The following RNF138 variants were observed in gnomAD, a reference collection of about 807,000 sequenced individuals.
RNF138 encodes the protein ring finger protein 138, also known as E3 ubiquitin-protein ligase RNF138.
A neutral mutation model predicts 31.0 loss-of-function variants in RNF138; 12 were observed. The observed-to-expected ratio is 0.39, with a 90% CI of 0.25 to 0.63. RNF138 has a LOEUF of 0.63. RNF138 is among the 20% of genes least tolerant of loss of function. RNF138 has a pLI of 0.52. For synonymous variants in RNF138, 105 were observed against 99.5 expected (o/e 1.06, Z -0.33); for missense variants, 192 against 300.1 (o/e 0.64, Z 2.66).
intron 4 of RNF138, among the ~76,000 whole-genome samples, chr18:32,121,091 C>T (rs903980310): frequency 4.0e-4 from 60 of 150,912 alleles, no homozygotes; most frequent in African/African-American, 1.4e-3. Flanking sequence ...GCCGCGATCG[C>T]GCCGCTGCAC....
chr18:32,127,119 T>C (rs2040396496), intron 7 of RNF138, among the ~76,000 whole-genome samples: 2 of 152,114 alleles, frequency 1.3e-5, no homozygotes, highest in South Asian at 2.1e-4. Context: ...AGAAGTAAAA[T>C]TGGTACAACA....
intron 4 of RNF138, among the ~76,000 whole-genome samples, chr18:32,121,951 C>T (rs1169142041): frequency 6.6e-6 from 1 of 152,094 alleles, no homozygotes; most frequent in African/African-American, 2.4e-5. Flanking sequence ...TCACTGCAAC[C>T]TCCGCCTTCC....
chr18:32,115,836 A>G (rs1465175389), intron 4 of RNF138, among the ~76,000 whole-genome samples: 1 of 152,066 alleles, frequency 6.6e-6, no homozygotes, highest in Non-Finnish European at 1.5e-5. Context: ...CTCTCTTTTT[A>G]TAGCCTCTTT....
intron 2 of RNF138, among the ~76,000 whole-genome samples, chr18:32,106,016 C>T (rs1187322657): frequency 6.6e-6 from 1 of 152,206 alleles, no homozygotes; most frequent in African/African-American, 2.4e-5. Flanking sequence ...TATGAGTTCT[C>T]TCTTGGAATA....
At chr18:32,105,104 CTT>C (rs1245340971) in intron 2 of RNF138, among the ~76,000 whole-genome samples, 1 of 151,840 alleles carries the variant, frequency 6.6e-6, no homozygotes, top group Non-Finnish European at 1.5e-5. Context: ...GCTTTTTTCT[CTT>C]TTTGAGATGG....
At chr18:32,103,039 CAT>C (rs1479148617) in intron 2 of RNF138, among the ~76,000 whole-genome samples, 4 of 152,044 alleles carry the variant, frequency 2.6e-5, no homozygotes, top group African/African-American at 9.7e-5. Context: ...TATATATATA[CAT>C]GTGTGTATAT....
intron 2 of RNF138, among the ~76,000 whole-genome samples, chr18:32,099,697 C>T (rs1428614417): frequency 6.6e-6 from 1 of 152,232 alleles, no homozygotes; most frequent in Non-Finnish European, 1.5e-5. Context: ...TGAGCCACTG[C>T]ACCCGGCCAT....
intron 2 of RNF138, among the ~76,000 whole-genome samples, chr18:32,110,871 C>T (rs1020400973): frequency 3.2e-4 from 48 of 151,890 alleles, no homozygotes; most frequent in Admixed American, 3.0e-3. Flanking sequence ...ACCTCTGTCT[C>T]CTGGGTTCAT....
intron 2 of RNF138, among the ~76,000 whole-genome samples, chr18:32,108,132 GGCGTAA>G (rs1371699189): frequency 1.3e-5 from 2 of 152,174 alleles, no homozygotes; most frequent in Non-Finnish European, 2.9e-5. Context: ...TGGGATTACA[GGCGTAA>G]GCCACCATGC....
intron 2 of RNF138, among the ~76,000 whole-genome samples, chr18:32,101,544 TGAAG>T (rs1188082673): frequency 1.3e-5 from 2 of 152,158 alleles, no homozygotes; most frequent in Admixed American, 1.3e-4. Flanking sequence ...ATCTGTAAAA[TGAAG>T]GAACTTATTA....
At position 32,099,068 on chromosome 18, in the gene RNF138, A is replaced by G. The variant is rs202040476; in HGVS notation, c.110+6182A>G. 3.4e-4 allele frequency among the ~76,000 whole-genome samples: 52 copies of G among 152,156 alleles called. 1 individual carries two copies. In the East Asian group the frequency reaches 9.7e-3, roughly 28 times the overall value. On this transcript the variant is annotated intron_variant, in intron 2 of 7. Transcript: ENST00000261593. ...TGTTTTTCCTCTCCCAGTGTTGTTG[A>G]TTAGCCTTTTGTTGGGAGAATGCGT...
intron 4 of RNF138, among the ~76,000 whole-genome samples, chr18:32,116,308 A>C (rs1313731669): frequency 6.6e-6 from 1 of 151,932 alleles, no homozygotes; most frequent in Non-Finnish European, 1.5e-5. Flanking sequence ...GAGCTCTAGA[A>C]TTTCTTCTTC....
chr18:32,127,037 G>A (rs1410983079), intron 7 of RNF138, among the ~76,000 whole-genome samples: 1 of 152,066 alleles, frequency 6.6e-6, no homozygotes, highest in Non-Finnish European at 1.5e-5. Flanking sequence ...GTAACAGCAA[G>A]CACCCAGATT....
chr18:32,099,640 A>G (rs893484653), intron 2 of RNF138, among the ~76,000 whole-genome samples: 2 of 152,138 alleles, frequency 1.3e-5, no homozygotes, highest in Admixed American at 6.6e-5. Context: ...CCTGACCCCA[A>G]ATGATCTGCC....
In RNF138 at chr18:32,130,325, T is replaced by C. The variant is rs1201558890; in HGVS notation, c.*1138T>C. ...TTACACACACACAATTACCTGTTTA[T>C]ATGGTGCTCATTTGTTATTCTCAAA... On this transcript the variant is annotated 3_prime_UTR_variant, in exon 8 of 8. Coordinates refer to ENST00000261593, the MANE Select transcript of RNF138 (RefSeq NM_016271.5). 6.6e-6 allele frequency: 1 copy of C among 152,398 alleles called. No homozygotes were observed. Among genetic ancestry groups the C allele is most frequent in the Non-Finnish European group, 1.5e-5 (1 of 67,868 alleles). The allele number at this position is 152,398 out of a possible 1,614,324, so 9.4% of individuals were successfully genotyped here. A position where few individuals can be genotyped will look rare whatever the true frequency, so the allele number is the denominator to read the frequency against.
chr18:32,092,579 T>G (rs1426461492), intron 1 of RNF138, 121 bp from the exon 2 acceptor site: 12 of 576,696 alleles, frequency 2.1e-5, no homozygotes, highest in Admixed American at 1.7e-4. Flanking sequence ...GGTCGCCTCT[T>G]GCCCGGCGCG....
chr18:32,115,746 A>AAC lies in RNF138; in HGVS notation c.392+1897_392+1898dup, dbSNP rs970798456. 4.6e-5 allele frequency among the ~76,000 whole-genome samples: 7 copies of AAC among 152,084 alleles called. No homozygotes were observed. The East Asian group carries it at 7.7e-4, about 17-fold the overall frequency. On this transcript the variant is annotated intron_variant, in intron 4 of 7. Transcript: ENST00000261593. Reference sequence around the variant, plus strand: ...GGCGACAGAGTCAGACTCCGTCTAAAACACACACACACGCACACACACGCA... The same window carrying AAC: ...GGCGACAGAGTCAGACTCCGTCTAAAACACACACACACACGCACACACACGCA...
chr18:32,120,892 C>A (rs112890433), intron 4 of RNF138, among the ~76,000 whole-genome samples: 1 of 152,014 alleles, frequency 6.6e-6, no homozygotes, highest in African/African-American at 2.4e-5. Context: ...GTCTGTAATC[C>A]CTGTACTTTG....
At chr18:32,105,385 T>C (rs1479750641) in intron 2 of RNF138, among the ~76,000 whole-genome samples, 1 of 152,188 alleles carries the variant, frequency 6.6e-6, no homozygotes, top group Non-Finnish European at 1.5e-5. Flanking sequence ...GCCACCGCAC[T>C]GGCCAAATCG....
Sources: allele counts gnomAD v4.1 joint callset (sites outside exome capture counted in the v4.1 genomes callset), GRCh38; gene constraint gnomAD v4.1.1; transcripts MANE v1.5; gene names NCBI Gene and HGNC (gene_info 2026-07-23, HGNC 2026-07-21).